WNK4: variants seen among roughly 807,000 people sequenced by gnomAD.
The protein encoded by WNK4 is serine/threonine-protein kinase WNK4.
WNK4 carries 94 observed loss-of-function variants against 116.2 expected under a neutral mutation model. That is an observed-to-expected ratio of 0.81 (90% CI 0.68 to 0.96). The LOEUF is 0.96. Among genes scored for constraint, WNK4 ranks in the 40% least tolerant of loss-of-function variants. The pLI is 0.00. For missense variants in WNK4, 1,542 were observed against 1,650.6 expected (o/e 0.93, Z 1.14); for synonymous variants, 655 against 672.7 (o/e 0.97, Z 0.41).
chr17:42,795,255 C>T lies in WNK4; in HGVS notation c.2834C>T (p.Ser945Leu), dbSNP rs751187234. 16 of 1,613,900 alleles carry T rather than the reference C, an allele frequency of 9.9e-6. No individual in the cohort carries two copies. The South Asian group carries it at 1.6e-4, about 17-fold the overall frequency. The stretch of plus-strand genomic sequence containing the variant: ...GTGGCCCAGTCCCTGCTGTCCCCCT[C>T]ACCTGGGCTCCTTTCCCAGTCTCCT... ...MTVAQSLLSP[S>L]PGLLSQSPPA... The change falls in exon 14 of 19, where the codon TCA becomes TTA. Residue 945 changes from serine to leucine, a missense_variant. Transcript: ENST00000246914.
Position 42,793,718 on chromosome 17 carries a change from C to T in WNK4, c.2284C>T (p.Leu762=), listed in dbSNP as rs776765593. Residue 762 remains leucine, a synonymous_variant, in exon 12 of 19, where the codon CTA becomes TTA. Transcript: ENST00000246914. ...CCCCATGGAGGCTGCTGAAGACACC[C>T]TAAGCCCCCAGGTCAGACCCCTTGG... ...TGPMEAAEDT[L]SPQEEPAPLP... The T allele has an allele frequency of 5.0e-6, 8 of 1,614,128 alleles. No individual in the cohort carries two copies. In the East Asian group the frequency reaches 1.8e-4, roughly 36 times the overall value.
At position 42,795,704 on chromosome 17, in the gene WNK4, A is replaced by G. The variant is rs908098431; in HGVS notation, c.3102A>G (p.Thr1034=). The stretch of plus-strand genomic sequence containing the variant: ...CTGAGCCTCTTCCCTTGCAGCCAAC[A>G]TCCCCCACTCTCTCTGGTTCTCCAA... ...EPAEPLPLQP[T]SPTLSGSPKP... Residue 1034 remains threonine (T), a synonymous_variant, in exon 16 of 19, where the codon ACA becomes ACG. Coordinates refer to ENST00000246914, the MANE Select transcript of WNK4 (RefSeq NM_032387.5). The G allele has an allele frequency of 1.2e-6, 2 of 1,613,280 alleles. No homozygotes were observed. The highest frequency in any genetic ancestry group is 1.7e-6 in the Non-Finnish European group (2 of 1,180,038).
intron 18 of WNK4, 32 bp from the exon 19 acceptor site, chr17:42,796,654 G>A: frequency 6.2e-7 from 1 of 1,614,224 alleles, no homozygotes. Context: ...CCACCTTGGA[G>A]GTTTCTTCAT....
intron 6 of WNK4, 100 bp downstream of exon 6, chr17:42,785,582 G>A (rs1182292909): frequency 3.6e-6 from 5 of 1,392,024 alleles, no homozygotes; most frequent in South Asian, 1.3e-5. Flanking sequence ...TGGCAGCGAT[G>A]GGGGCGGGGC....
rs745677812 is a variant in WNK4, at chr17:42,785,129, G to A, written c.1203G>A (p.Lys401=). The part of the protein sequence containing the change: ...GRKPNSFHKV[K]IPEVKEIIEG... ...AGCCGAACAGCTTCCACAAGGTGAA[G>A]ATACCCGAGGTGAAGGAGATCATTG... Residue 401 remains lysine (K), a synonymous_variant, in exon 5 of 19, where the codon AAG becomes AAA. Coordinates refer to ENST00000246914, the MANE Select transcript of WNK4 (RefSeq NM_032387.5). The A allele has an allele frequency of 1.9e-6, 3 of 1,613,820 alleles. No homozygotes were observed. The highest frequency in any genetic ancestry group is 1.7e-5 in the Admixed American group (1 of 59,972).
rs139983671 is a variant in WNK4, at chr17:42,784,600, G to C, written c.1170+21G>C. On this transcript the variant is annotated intron_variant, in intron 4 of 18. Coordinates refer to ENST00000246914, the MANE Select transcript of WNK4 (RefSeq NM_032387.5). This position sits in a 1 kb window ranked among gnomAD's most constrained non-coding sequence, Gnocchi z 4.4. The stretch of plus-strand genomic sequence containing the variant: ...CTTCGGTGAGAGGGATGGGGCTGGC[G>C]GGAAAGGCAATTCCAGGGCCACTTC... The C allele has an allele frequency of 1.5e-5, 24 of 1,613,770 alleles. No homozygotes were observed. The highest frequency in any genetic ancestry group is 1.9e-5 in the Non-Finnish European group (23 of 1,179,992).
intron 7 of WNK4, 55 bp downstream of exon 7, chr17:42,787,597 C>G: frequency 6.2e-7 from 1 of 1,609,016 alleles, no homozygotes; most frequent in Non-Finnish European, 8.5e-7. Flanking sequence ...GCCTCTGCCC[C>G]CTACCCAGAA....
At position 42,796,244 on chromosome 17, in the gene WNK4, C is replaced by T. The variant is rs137853095; in HGVS notation, c.3553C>T (p.Arg1185Cys). The change falls in exon 17 of 19, where the codon CGC (arginine) becomes TGC (cysteine). Residue 1185 changes from arginine to cysteine, a missense_variant. Physicochemically the swap from Arg to Cys is radical, Grantham distance 180. Around this residue, in one of 7 missense-constraint regions of WNK4, gnomAD observed 148 missense variants for 157.2 expected, o/e 0.94. Transcript: ENST00000246914. Reference sequence around the variant, plus strand: ...GGCCCCAGCTGCTATGCTGTCCAGCCGCCAGCGCCGCCTCTCCAAGGGCAG... The same window carrying T: ...GGCCCCAGCTGCTATGCTGTCCAGCTGCCAGCGCCGCCTCTCCAAGGGCAG... ...IVAPAAMLSS[R>C]QRRLSKGSFP... 466 of 1,611,272 alleles carry T rather than the reference C, an allele frequency of 2.9e-4. No individual in the cohort carries two copies. Among genetic ancestry groups the T allele is most frequent in the Non-Finnish European group, 3.6e-4 (430 of 1,179,178 alleles).
In WNK4 at chr17:42,795,669, A is replaced by G; in HGVS notation, c.3067A>G (p.Lys1023Glu). The G allele has an allele frequency of 7.4e-6, 12 of 1,613,320 alleles. No homozygotes were observed. The highest frequency in any genetic ancestry group is 1.0e-5 in the Non-Finnish European group (12 of 1,180,040). The change falls in exon 16 of 19, where the codon AAG becomes GAG. Residue 1023 changes from lysine (K) to glutamate (E), a missense_variant. Lys to Glu is a moderately conservative substitution (Grantham distance 56). Transcript: ENST00000246914. ...TGGGCGTTTCCAAGTGACTTCATCC[A>G]AGGAACCGGCTGAGCCTCTTCCCTT... ...LVGRFQVTSS[K>E]EPAEPLPLQP...
rs1362919765 is a variant in WNK4 at position 42,785,403 on chromosome 17, G to A, written c.1397G>A (p.Gly466Glu). 6.3e-7 allele frequency: 1 copy of A among 1,574,812 alleles called. No individual in the cohort carries two copies. Among genetic ancestry groups the A allele is most frequent in the South Asian group, 1.2e-5 (1 of 86,264 alleles). Residue 466 changes from glycine to glutamate, a missense_variant, in exon 6 of 19, where the codon GGG becomes GAG. By Grantham distance (98) the Gly-to-Glu change is moderately conservative (BLOSUM62 -2). This residue lies in a region of WNK4 where 808 missense variants were observed against 873.6 expected (regional missense o/e 0.92). Transcript: ENST00000246914. ...WLRMEDARRG[G>E]RPRDNQAIEF... ...CGCATGGAGGACGCGCGGCGCGGGG[G>A]GCGCCCACGGGACAACCAGGCCATC...
chr17:42,794,962 T>C lies in WNK4; in HGVS notation c.2541T>C (p.Ser847=). 1 of 1,539,698 alleles carries C rather than the reference T, an allele frequency of 6.5e-7. No individual in the cohort carries two copies. Residue 847 remains serine, a synonymous_variant, in exon 14 of 19, where the codon TCT becomes TCC. Transcript: ENST00000246914. ...HPSPSPFSPI[S]SQVSSNPSPH... ...GCCCCTCCCCATTCTCCCCCATTTC[T>C]TCCCAGGTCTCCTCAAATCCCTCTC...
Position 42,780,968 on chromosome 17 carries a change from T to A in WNK4, c.270T>A (p.Ala90=). Residue 90 remains alanine, a synonymous_variant, in exon 1 of 19, where the codon GCT becomes GCA. Transcript: ENST00000246914. ...APDPPDPPDS[A]GPGPARSPPP... ...ACCCCCCCGATCCTCCGGACTCCGC[T>A]GGTCCTGGCCCCGCGAGGAGCCCAC... is the stretch of plus-strand genomic sequence containing the variant. 2 of 1,610,522 alleles carry A rather than the reference T, an allele frequency of 1.2e-6. No homozygotes were observed. Among genetic ancestry groups the A allele is most frequent in the Non-Finnish European group, 1.7e-6 (2 of 1,179,626 alleles).
Position 42,795,058 on chromosome 17 carries a change from TC to T in WNK4, c.2640del (p.Trp881GlyfsTer54). 6.2e-7 allele frequency: 1 copy of T among 1,613,894 alleles called. No homozygotes were observed. The highest frequency in any genetic ancestry group is 8.5e-7 in the Non-Finnish European group (1 of 1,179,944). On this transcript the variant is annotated frameshift_variant, in exon 14 of 19. Transcript: ENST00000246914. LOFTEE classifies it high-confidence loss of function. Reference sequence around the variant, plus strand: ...AGTTTCCGGTCCCACTCTCTCAGTGTCCCTGGAGTTCTCTCCCCACGACTTC... The same window carrying T: ...AGTTTCCGGTCCCACTCTCTCAGTGTCCTGGAGTTCTCTCCCCACGACTTC... ...PEFPVPLSQC[P>X]WSSLPTTSPP...
rs1009684666 is a variant in WNK4, at chr17:42,782,412, C to G, written c.619-346C>G. Among the ~76,000 whole-genome samples, 1 of 152,194 alleles carries G rather than the reference C, an allele frequency of 6.6e-6. No individual in the cohort carries two copies. Among genetic ancestry groups the G allele is most frequent in the East Asian group, 1.9e-4 (1 of 5,184 alleles). On this transcript the variant is annotated intron_variant, in intron 1 of 18. Transcript: ENST00000246914. This position sits in a 1 kb window ranked among gnomAD's most constrained non-coding sequence, Gnocchi z 4.2. ...TCCTGCTGCCCGCCTGCTGCCTGCT[C>G]ACTGCCAGCCCCCGGGTGCCCCCTC...
intron 11 of WNK4, among the ~76,000 whole-genome samples, chr17:42,791,777 T>C (rs2054609006): frequency 6.6e-6 from 1 of 151,824 alleles, no homozygotes. Flanking sequence ...CTGGCCAACA[T>C]GAAGCCCTGT....
chr17:42,796,323 G>C lies in WNK4; in HGVS notation c.3631+1G>C, dbSNP rs200129837. The C allele has an allele frequency of 3.1e-6, 5 of 1,611,646 alleles. No individual in the cohort carries two copies. In the East Asian group the frequency reaches 1.1e-4, roughly 36 times the overall value. The stretch of plus-strand genomic sequence containing the variant: ...CAGCGCTCTGAGCCCCCAGGCCCTG[G>C]TGAGACTGCAGTCACCCAGCTTCCA... On this transcript the variant is annotated splice_donor_variant, in intron 17 of 18. Coordinates refer to ENST00000246914, the MANE Select transcript of WNK4 (RefSeq NM_032387.5). LOFTEE classifies it high-confidence loss of function.
intron 2 of WNK4, 33 bp from the exon 3 acceptor site, chr17:42,783,904 C>G (rs777488788): frequency 4.4e-6 from 7 of 1,592,926 alleles, no homozygotes; most frequent in South Asian, 1.1e-5. Context: ...ACGTGTCCCC[C>G]CACCAGGACT....
chr17:42,795,030 C>CAG lies in WNK4; in HGVS notation c.2609_2610insAG (p.Glu871AlafsTer65). On this transcript the variant is annotated frameshift_variant, in exon 14 of 19. Coordinates refer to ENST00000246914, the MANE Select transcript of WNK4 (RefSeq NM_032387.5). LOFTEE classifies it high-confidence loss of function. ...CCACTTCCATTCTCCTCCAGCACACCCGAGTTTCCGGTCCCACTCTCTCAG... is the reference window on the plus strand; with the variant it reads ...CCACTTCCATTCTCCTCCAGCACACCAGCGAGTTTCCGGTCCCACTCTCTCAG... The CAG allele has an allele frequency of 6.2e-7, 1 of 1,613,850 alleles. No individual in the cohort carries two copies. The highest frequency in any genetic ancestry group is 2.2e-5 in the East Asian group (1 of 44,864).
rs552498857 is a variant in WNK4, at chr17:42,794,957, A to T, written c.2536A>T (p.Ile846Phe). Residue 846 changes from isoleucine to phenylalanine, a missense_variant, in exon 14 of 19, where the codon ATT (isoleucine) becomes TTT (phenylalanine). Coordinates refer to ENST00000246914, the MANE Select transcript of WNK4 (RefSeq NM_032387.5). ...TCCCAGCCCCTCCCCATTCTCCCCC[A>T]TTTCTTCCCAGGTCTCCTCAAATCC... ...CHPSPSPFSP[I>F]SSQVSSNPSP... 8.7e-7 allele frequency: 1 copy of T among 1,149,702 alleles called. No individual in the cohort carries two copies. The highest frequency in any genetic ancestry group is 1.5e-5 in the South Asian group (1 of 65,372). 71.2% of individuals were successfully genotyped at this position (1,149,702 alleles called of 1,614,324 possible).
Sources: gnomAD v4.1 joint callset for allele counts (sites outside exome capture counted in the v4.1 genomes callset) on GRCh38, gnomAD v4.1.1 for gene constraint, gnomAD v4.1.1 regional missense constraint, Gnocchi (gnomAD v3.1) non-coding constraint, MANE v1.5 for transcripts, NCBI Gene and HGNC (gene_info 2026-07-23, HGNC 2026-07-21) for gene names.